The following ERAP1 variants were observed in gnomAD, a reference collection of about 807,000 sequenced individuals.
ERAP1 encodes the protein adipocyte-derived leucine aminopeptidase.
A neutral mutation model predicts 103.7 loss-of-function variants in ERAP1; 86 were observed. That is an observed-to-expected ratio of 0.83 (90% confidence interval 0.70 to 0.99). The LOEUF (loss-of-function observed/expected upper bound fraction) is 0.99, where lower values mean the gene tolerates loss of function less well. Among genes scored for constraint, ERAP1 ranks in the 50% least tolerant of loss-of-function variants. ERAP1 has a pLI of 0.00. For synonymous variants in ERAP1, 398 were observed against 402.4 expected (o/e 0.99, Z 0.13); for missense variants, 1,009 against 1,128.4 (o/e 0.89, Z 1.52).
At position 96,762,191 on chromosome 5, in the gene ERAP1, T is replaced by G. The variant is rs27980; in HGVS notation, c.*1009A>C. ...GAGAATAAACAGTCATTAAGCTATCTTTAAGAGTTATAGTTAAGTGATGGC... is the reference window on the plus strand; with the variant it reads ...GAGAATAAACAGTCATTAAGCTATCGTTAAGAGTTATAGTTAAGTGATGGC... On this transcript the variant is annotated 3_prime_UTR_variant, in exon 20 of 20. Coordinates refer to the ERAP1 transcript ENST00000296754. 0.35 allele frequency: 266,787 copies of G among 756,206 alleles called. 49,459 individuals carry two copies. The highest frequency in any genetic ancestry group is 0.58 in the East Asian group (20,358 of 35,250). 46.8% of individuals were successfully genotyped at this position (756,206 alleles called of 1,614,324 possible). A position where few individuals can be genotyped will look rare whatever the true frequency, so the allele number is the denominator to read the frequency against.
rs1179416608 is a variant in ERAP1 at position 96,786,538 on chromosome 5, T to C, written c.1691A>G (p.His564Arg). 24 of 1,610,642 alleles carry C rather than the reference T, an allele frequency of 1.5e-5. No individual in the cohort carries two copies. Among genetic ancestry groups the C allele is most frequent in the Non-Finnish European group, 2.0e-5 (23 of 1,177,136 alleles). The change falls in exon 12 of 19, where the codon CAT becomes CGT. Residue 564 changes from histidine to arginine, a missense_variant. Physicochemically the swap from His to Arg is conservative, Grantham distance 29 (BLOSUM62 0). Coordinates refer to ENST00000443439, the MANE Select transcript of ERAP1 (RefSeq NM_001040458.3). Reference protein sequence around the residue: ...DGAPDTGYLWHVPLTFITSKS... With the variant: ...DGAPDTGYLWRVPLTFITSKS... Reference sequence around the variant, plus strand: ...GCTGGTGATGAATGTCAATGGAACATGCCACAGGTACCTAAAATAAAGGAG... The same window carrying C: ...GCTGGTGATGAATGTCAATGGAACACGCCACAGGTACCTAAAATAAAGGAG...
chr5:96,811,277 A>C (rs764893535), upstream of ERAP1, among the ~76,000 whole-genome samples: 9 of 152,190 alleles, frequency 5.9e-5, no homozygotes, highest in Non-Finnish European at 1.2e-4. Context: ...GACTGTTCCA[A>C]AACAGGCCAC....
At chr5:96,909,248 T>A in the ERAP1 span, 1 of 801,292 alleles carries the variant, frequency 1.2e-6, no homozygotes. Context: ...TGATAGCATG[T>A]AATGGTCAAT....
upstream of ERAP1, among the ~76,000 whole-genome samples, chr5:96,812,074 T>C (rs151940): frequency 0.73 from 110,625 of 152,200 alleles, 40,677 homozygotes; most frequent in Non-Finnish European, 0.79. Flanking sequence ...TGAGACTGAA[T>C]ATATGCACTG....
the ERAP1 span, among the ~76,000 whole-genome samples, chr5:96,828,591 A>G: frequency 2.0e-5 from 3 of 152,222 alleles, no homozygotes; most frequent in African/African-American, 7.2e-5. Flanking sequence ...TATTTGGATC[A>G]TAGTTACAAA....
the ERAP1 span, chr5:96,896,852 A>C: frequency 1.9e-6 from 2 of 1,032,950 alleles, no homozygotes; most frequent in Admixed American, 8.3e-5. Flanking sequence ...CTTGTGGAGC[A>C]GTCTGTCAAA....
intron 3 of ERAP1, among the ~76,000 whole-genome samples, chr5:96,799,124 C>G (rs937674974): frequency 6.6e-6 from 1 of 152,066 alleles, no homozygotes; most frequent in African/African-American, 2.4e-5. Context: ...CCTCAGCCTC[C>G]CAAAGTGCCG....
At chr5:96,913,058 T>C in the ERAP1 span, among the ~76,000 whole-genome samples, 2 of 152,214 alleles carry the variant, frequency 1.3e-5, no homozygotes, top group Non-Finnish European at 2.9e-5. Flanking sequence ...ATTATTGTTG[T>C]AAAAATACAT....
the ERAP1 span, chr5:96,934,174 G>C: frequency 6.6e-6 from 1 of 152,186 alleles, no homozygotes; most frequent in Admixed American, 6.5e-5. Flanking sequence ...CCCTCACAAA[G>C]CTTGCATTCT....
chr5:96,794,171 CTTTT>C (rs35041937), intron 5 of ERAP1, among the ~76,000 whole-genome samples: 1,180 of 68,614 alleles, frequency 0.017, 2 homozygotes, highest in South Asian at 0.029. Context: ...CATCTCAGGC[CTTTT>C]TTTTTTTTTT....
chr5:96,813,276 A>G, the ERAP1 span, among the ~76,000 whole-genome samples: 1 of 152,264 alleles, frequency 6.6e-6, no homozygotes, highest in South Asian at 2.1e-4. Context: ...CAGGTTAGGC[A>G]TAAACATTTT....
intron 1 of ERAP1, chr5:96,805,587 G>A (rs1387192018): frequency 6.6e-6 from 1 of 152,178 alleles, no homozygotes; most frequent in African/African-American, 2.4e-5. Flanking sequence ...TAAACAGAAA[G>A]GATACCTACA....
At chr5:96,766,680 A>G (rs1364453681) in intron 19 of ERAP1, among the ~76,000 whole-genome samples, 1 of 152,198 alleles carries the variant, frequency 6.6e-6, no homozygotes, top group Non-Finnish European at 1.5e-5. Context: ...TGTCTCCCAC[A>G]TGATAGAGGC....
the ERAP1 span, among the ~76,000 whole-genome samples, chr5:96,839,037 C>T: frequency 1.3e-5 from 2 of 152,174 alleles, no homozygotes; most frequent in Non-Finnish European, 2.9e-5. Flanking sequence ...GCTAGAATGG[C>T]TCACAGAACC....
At chr5:96,765,389 ACT>A (rs1769559196) in intron 19 of ERAP1, 2 of 778,026 alleles carry the variant, frequency 2.6e-6, no homozygotes. Context: ...TTGGGTCTTG[ACT>A]CTGTCATTGT....
chr5:96,783,512 C>A (rs1775542679), intron 14 of ERAP1, among the ~76,000 whole-genome samples: 1 of 152,178 alleles, frequency 6.6e-6, no homozygotes. Context: ...AGAGAGTTTA[C>A]ATGACTAAAT....
At chr5:96,810,085 C>T (rs1029043757), upstream of ERAP1, among the ~76,000 whole-genome samples, 8 of 152,182 alleles carry the variant, frequency 5.3e-5, no homozygotes, top group African/African-American at 1.9e-4. Context: ...CGCTCCACGC[C>T]GTTTCCCCAA....
At chr5:96,801,455 C>A (rs1278981011) in intron 2 of ERAP1, among the ~76,000 whole-genome samples, 2 of 130,238 alleles carry the variant, frequency 1.5e-5, no homozygotes, top group South Asian at 2.5e-4. Flanking sequence ...CAGACCCTGT[C>A]TCGGGAAGAA....
chr5:96,770,196 G>T, downstream of ERAP1: 1 of 288,522 alleles, frequency 3.5e-6, no homozygotes, highest in Non-Finnish European at 6.9e-6. Context: ...AGTGTACTAG[G>T]GTTCCCTTTT....
Sources: allele counts gnomAD v4.1 joint callset (sites outside exome capture counted in the v4.1 genomes callset), GRCh38; gene constraint gnomAD v4.1.1; transcripts MANE v1.5; gene names NCBI Gene and HGNC (gene_info 2026-07-23, HGNC 2026-07-21).